Variants in LILRA1 observed in about 807,000 individuals in gnomAD.
The protein encoded by LILRA1 is leukocyte immunoglobulin-like receptor subfamily A member 1.
In LILRA1, 51 loss-of-function variants were observed where a neutral mutation model predicts 51.6. The ratio of observed to expected loss-of-function variants is 0.99; its 90% CI spans 0.79 to 1.25. LILRA1 has a LOEUF of 1.25. LILRA1 is among the 50% of genes most tolerant of loss of function. The pLI is 0.00. For synonymous variants in LILRA1, 305 were observed against 248.4 expected, an observed-to-expected ratio of 1.23 and a Z score of -2.14; for missense variants, 660 against 611.7, an observed-to-expected ratio of 1.08 and a Z score of -0.83.
Position 54,594,663 on chromosome 19 carries a change from A to G in LILRA1, c.71-2A>G, listed in dbSNP as rs1241126166. On this transcript the variant is annotated splice_acceptor_variant, in intron 3 of 9. Coordinates refer to ENST00000251372, the MANE Select transcript of LILRA1 (RefSeq NM_006863.4). LOFTEE classifies it high-confidence loss of function. ...AGAATCTGAACTCTGATTTCCTTCC[A>G]GGGACCCTCCCCAAGCCCACACTCT... 3.1e-6 allele frequency: 5 copies of G among 1,612,372 alleles called. No individual in the cohort carries two copies. The highest frequency in any genetic ancestry group is 2.2e-5 in the East Asian group (1 of 44,868).
At chr19:54,599,771 A>T (rs1354239164) in intron 8 of LILRA1, 1 of 358,102 alleles carries the variant, frequency 2.8e-6, no homozygotes, top group Non-Finnish European at 4.0e-6. Context: ...GTGTAAGTAT[A>T]TCCAAATTCA....
At position 54,594,924 on chromosome 19, in the gene LILRA1, C is replaced by T. The variant is rs755772968; in HGVS notation, c.330C>T (p.Pro110=). ...YGSHTAGWSE[P]SDPLELVVTG... is the part of the protein sequence containing the mutation. ...GCCACACTGCAGGCTGGTCAGAGCCCAGTGACCCCCTGGAGCTGGTGGTGA... is the reference window on the plus strand; with the variant it reads ...GCCACACTGCAGGCTGGTCAGAGCCTAGTGACCCCCTGGAGCTGGTGGTGA... Residue 110 remains proline (P), a synonymous_variant, in exon 4 of 10, where the codon CCC becomes CCT. Transcript: ENST00000251372. 6.2e-7 allele frequency: 1 copy of T among 1,614,046 alleles called. No individual in the cohort carries two copies. Among genetic ancestry groups the T allele is most frequent in the Non-Finnish European group, 8.5e-7 (1 of 1,179,944 alleles).
intron 8 of LILRA1, among the ~76,000 whole-genome samples, 184 bp from the exon 9 acceptor site, chr19:54,600,328 G>A (rs572878953): frequency 1.3e-5 from 2 of 152,200 alleles, no homozygotes; most frequent in African/African-American, 2.4e-5. Flanking sequence ...AGTAACATTC[G>A]AATTTCTAGA....
At position 54,595,816 on chromosome 19, in the gene LILRA1, C is replaced by T; in HGVS notation, c.839C>T (p.Ala280Val). Residue 280 changes from alanine (A) to valine (V), a missense_variant, in exon 6 of 10, where the codon GCC becomes GTC. Coordinates refer to ENST00000251372, the MANE Select transcript of LILRA1 (RefSeq NM_006863.4). The stretch of plus-strand genomic sequence containing the variant: ...CAGCCCCAGGCTGGGCTCTCCCAGG[C>T]CAACTTCACCCTGGGCCCTGTGAGC... ...GPQPQAGLSQ[A>V]NFTLGPVSRS... is the part of the protein sequence containing the mutation. 1.2e-6 allele frequency: 2 copies of T among 1,614,212 alleles called. No individual in the cohort carries two copies. Among genetic ancestry groups the T allele is most frequent in the South Asian group, 1.1e-5 (1 of 91,090 alleles).
chr19:54,599,521 GCTAA>G (rs946620944), intron 8 of LILRA1: 3 of 1,193,820 alleles, frequency 2.5e-6, no homozygotes, highest in Non-Finnish European at 3.2e-6. Flanking sequence ...TGTATTTCAT[GCTAA>G]CTCACTACTA....
intron 3 of LILRA1, 50 bp downstream of exon 3, chr19:54,594,526 G>A (rs781505304): frequency 6.2e-7 from 1 of 1,614,040 alleles, no homozygotes; most frequent in East Asian, 2.2e-5. Context: ...CTGGGGACAA[G>A]GGGCCACCCC....
Position 54,595,050 on chromosome 19 carries a change from G to T in LILRA1, c.359-50G>T, listed in dbSNP as rs754785752. The T allele has an allele frequency of 2.0e-5, 32 of 1,601,074 alleles. 1 individual carries two copies. In the South Asian group the frequency reaches 3.5e-4, roughly 17 times the overall value. ...CCTCTCACAGCCCAGCCCTGGGGATGAAGTGGGAGGTGTGAGCCCCATTTA... is the reference window on the plus strand; with the variant it reads ...CCTCTCACAGCCCAGCCCTGGGGATTAAGTGGGAGGTGTGAGCCCCATTTA... On this transcript the variant is annotated intron_variant, in intron 4 of 9. Coordinates refer to ENST00000251372, the MANE Select transcript of LILRA1 (RefSeq NM_006863.4).
intron 1 of LILRA1, 123 bp from the exon 2 acceptor site, chr19:54,594,074 T>G (rs1181231554): frequency 9.2e-6 from 8 of 865,702 alleles, no homozygotes; most frequent in Non-Finnish European, 1.4e-5. Flanking sequence ...CCTGGTAGGG[T>G]AGTTCTGCTT....
intron 1 of LILRA1, 147 bp downstream of exon 1, chr19:54,593,928 C>A: frequency 2.9e-6 from 2 of 680,062 alleles, no homozygotes; most frequent in Admixed American, 2.1e-5. Flanking sequence ...CTGCTACATC[C>A]CGTCTCTCAG....
intron 9 of LILRA1, 61 bp downstream of exon 9, chr19:54,600,611 T>C (rs2063146336): frequency 1.2e-6 from 2 of 1,611,686 alleles, no homozygotes; most frequent in African/African-American, 1.3e-5. Context: ...CTGTCAAGGG[T>C]AAGGAGGTGC....
intron 7 of LILRA1, 47 bp from the exon 8 acceptor site, chr19:54,599,189 A>G (rs765239608): frequency 1.0e-5 from 15 of 1,503,772 alleles, no homozygotes; most frequent in Admixed American, 8.8e-5. Context: ...AATTTGTTAT[A>G]TAAGTTACCT....
chr19:54,600,047 C>T (rs564926037), intron 8 of LILRA1, among the ~76,000 whole-genome samples: 2 of 152,280 alleles, frequency 1.3e-5, no homozygotes, highest in East Asian at 3.9e-4. Flanking sequence ...CCCAGGTGAA[C>T]TGGCTGAGGC....
At chr19:54,598,666 G>T (rs1226766389) in intron 7 of LILRA1, among the ~76,000 whole-genome samples, 1 of 152,104 alleles carries the variant, frequency 6.6e-6, no homozygotes. Context: ...GAAATACAAT[G>T]AATATACCCA....
At position 54,594,728 on chromosome 19, in the gene LILRA1, T is replaced by C. The variant is rs190014598; in HGVS notation, c.134T>C (p.Val45Ala). ...PGSVITQGSP[V>A]TLWCQGILET... ...TCTGTGATCACCCAGGGGAGTCCCG[T>C]GACCCTCTGGTGTCAGGGGATCCTG... Residue 45 changes from valine to alanine, a missense_variant, in exon 4 of 10, where the codon GTG becomes GCG. Coordinates refer to ENST00000251372, the MANE Select transcript of LILRA1 (RefSeq NM_006863.4). 7.4e-6 allele frequency: 12 copies of C among 1,614,072 alleles called. No homozygotes were observed. Among genetic ancestry groups the C allele is most frequent in the Non-Finnish European group, 9.3e-6 (11 of 1,179,954 alleles).
At position 54,596,354 on chromosome 19, in the gene LILRA1, A is replaced by T. The variant is rs147738806; in HGVS notation, c.1124A>T (p.Tyr375Phe). 3.1e-6 allele frequency: 5 copies of T among 1,604,704 alleles called. No individual in the cohort carries two copies. The South Asian group carries it at 4.4e-5, about 14-fold the overall frequency. Residue 375 changes from tyrosine (Y) to phenylalanine (F), a missense_variant, in exon 7 of 10, where the codon TAT becomes TTT. Transcript: ENST00000251372. Reference protein sequence around the residue: ...APLRLRSIHEYPKYQAEFPMS... With the variant: ...APLRLRSIHEFPKYQAEFPMS... Reference sequence around the variant, plus strand: ...CTCCGTCTCAGATCAATACACGAATATCCTAAGTACCAGGCTGAATTCCCT... The same window carrying T: ...CTCCGTCTCAGATCAATACACGAATTTCCTAAGTACCAGGCTGAATTCCCT...
chr19:54,596,584 T>C (rs116588659), intron 7 of LILRA1, 93 bp downstream of exon 7: 17 of 1,551,030 alleles, frequency 1.1e-5, no homozygotes, highest in Non-Finnish European at 1.4e-5. Context: ...AAGAGGGGAG[T>C]TGGCTGGGCA....
At chr19:54,593,926 T>A (rs747489319) in intron 1 of LILRA1, 145 bp downstream of exon 1, 6 of 675,178 alleles carry the variant, frequency 8.9e-6, no homozygotes, top group Non-Finnish European at 1.6e-5. Context: ...TGCTGCTACA[T>A]CCCGTCTCTC....
chr19:54,594,760 C>T lies in LILRA1; in HGVS notation c.166C>T (p.Gln56Ter). The T allele has an allele frequency of 6.2e-7, 1 of 1,614,110 alleles. No homozygotes were observed. Among genetic ancestry groups the T allele is most frequent in the Non-Finnish European group, 8.5e-7 (1 of 1,179,988 alleles). ...TLWCQGILET[Q>*]EYRLYREKKT... ...CTGGTGTCAGGGGATCCTGGAGACC[C>T]AGGAGTACCGTCTGTATAGAGAAAA... The change falls in exon 4 of 10, where the codon CAG becomes TAG. Residue 56 changes from glutamine to a stop codon, truncating the protein, a stop_gained. Transcript: ENST00000251372. LOFTEE classifies it high-confidence loss of function.
chr19:54,595,448 G>T, intron 5 of LILRA1, 46 bp downstream of exon 5: 5 of 1,570,574 alleles, frequency 3.2e-6, no homozygotes, highest in Non-Finnish European at 4.3e-6. Context: ...GTCTCCCTGA[G>T]TCTCCAGGCA....
Sources: allele counts gnomAD v4.1 joint callset (sites outside exome capture counted in the v4.1 genomes callset), GRCh38; gene constraint gnomAD v4.1.1; transcripts MANE v1.5; gene names NCBI Gene and HGNC (gene_info 2026-07-23, HGNC 2026-07-21).